IST1: variants seen among roughly 807,000 people sequenced by gnomAD.
The protein encoded by IST1 is IST1 factor associated with ESCRT-III.
In IST1, 23 loss-of-function variants were observed where a neutral mutation model predicts 37.0. The ratio of observed to expected loss-of-function variants is 0.62; its 90% CI spans 0.45 to 0.88. The LOEUF (loss-of-function observed/expected upper bound fraction) is 0.88. Among genes scored for constraint, IST1 ranks in the 40% least tolerant of loss-of-function variants. The pLI, the probability that IST1 is intolerant of heterozygous loss-of-function variation, is 0.00. For missense variants in IST1, 488 were observed against 445.4 expected (o/e 1.10, Z -0.86); for synonymous variants, 180 against 161.7 (o/e 1.11, Z -0.86).
rs1474363294 is a variant in IST1 at position 71,930,349 on chromosome 16, CAG to C, written c.*2538_*2539del. 1 of 602,986 alleles carries C rather than the reference CAG, an allele frequency of 1.7e-6. No homozygotes were observed. The highest frequency in any genetic ancestry group is 2.6e-6 in the Non-Finnish European group (1 of 386,500). The allele number at this position is 602,986 out of a possible 1,614,324, so 37.4% of individuals were successfully genotyped here. A position where few individuals can be genotyped will look rare whatever the true frequency, so the allele number is the denominator to read the frequency against. On this transcript the variant is annotated 3_prime_UTR_variant, in exon 10 of 10. Transcript: ENST00000378799. ...AAGAAGGAAAATACTTTTAAATGGA[CAG>C]AAGAGCAGGAATGACTCATTTTAAG...
intron 1 of IST1, among the ~76,000 whole-genome samples, chr16:71,908,290 T>C (rs2037272252): frequency 7.3e-6 from 1 of 137,888 alleles, no homozygotes; most frequent in Non-Finnish European, 1.5e-5. Flanking sequence ...CCCTTACTCG[T>C]TGTAGCTTTT....
chr16:71,914,633 G>A (rs2142564005), intron 1 of IST1, among the ~76,000 whole-genome samples: 1 of 152,140 alleles, frequency 6.6e-6, no homozygotes, highest in South Asian at 2.1e-4. Context: ...TTAAATGTAG[G>A]GTAAAGAAAG....
upstream of IST1, chr16:71,895,322 C>G: frequency 6.4e-6 from 1 of 157,138 alleles, no homozygotes; most frequent in African/African-American, 2.4e-5. Context: ...CGGCGTGGCG[C>G]TTCCCCCAAC....
chr16:71,894,666 C>A, upstream of IST1: 2 of 562,500 alleles, frequency 3.6e-6, no homozygotes, highest in Non-Finnish European at 6.3e-6. Context: ...GCTGAGACCA[C>A]AAGTGCTCAC....
rs6558 is a variant in IST1 at position 71,928,688 on chromosome 16, G to A, written c.*875G>A. ...CTGGAAAGCCTACAGGAAAAGAGGG[G>A]TACCTGTTTTCATTTGAAAACTTTG... On this transcript the variant is annotated 3_prime_UTR_variant, in exon 10 of 10. Coordinates refer to ENST00000378799, the MANE Select transcript of IST1 (RefSeq NM_001270975.2). 10 of 152,540 alleles carry A rather than the reference G, an allele frequency of 6.6e-5. No individual in the cohort carries two copies. The highest frequency in any genetic ancestry group is 1.3e-4 in the Admixed American group (2 of 15,282). The allele number at this position is 152,540 out of a possible 1,614,324, so 9.4% of individuals were successfully genotyped here.
rs2037861969 is a variant in IST1 at position 71,929,808 on chromosome 16, T to C, written c.*1995T>C. 2.8e-6 allele frequency: 3 copies of C among 1,064,882 alleles called. No homozygotes were observed. Among genetic ancestry groups the C allele is most frequent in the South Asian group, 3.5e-5 (2 of 57,470 alleles). The allele number at this position is 1,064,882 out of a possible 1,614,324, so 66.0% of individuals were successfully genotyped here. Reference sequence around the variant, plus strand: ...ATACTATTTCTTTAATAATTTGCAGTCAGGCATTGGAGTGTTTCCACTAAT... The same window carrying C: ...ATACTATTTCTTTAATAATTTGCAGCCAGGCATTGGAGTGTTTCCACTAAT... On this transcript the variant is annotated 3_prime_UTR_variant, in exon 10 of 10. Coordinates refer to ENST00000378799, the MANE Select transcript of IST1 (RefSeq NM_001270975.2).
At chr16:71,927,437 G>A (rs1408949050) in intron 9 of IST1, among the ~76,000 whole-genome samples, 177 bp from the exon 10 acceptor site, 1 of 150,506 alleles carries the variant, frequency 6.6e-6, no homozygotes, top group Non-Finnish European at 1.5e-5. Context: ...GCAGTGAGCT[G>A]AGATCACGCC....
At chr16:71,920,937 T>C (rs772454930) in intron 5 of IST1, 115 bp downstream of exon 5, 2 of 799,950 alleles carry the variant, frequency 2.5e-6, no homozygotes, top group African/African-American at 1.7e-5. Flanking sequence ...TCACCTTTCA[T>C]AGTGGGGTGA....
rs966267243 is a variant in IST1, at chr16:71,929,872, A to G, written c.*2059A>G. The G allele has an allele frequency of 1.1e-4, 110 of 983,190 alleles. No homozygotes were observed. The highest frequency in any genetic ancestry group is 3.0e-4 in the Admixed American group (10 of 33,882). 60.9% of individuals were successfully genotyped at this position (983,190 alleles called of 1,614,324 possible). On this transcript the variant is annotated 3_prime_UTR_variant, in exon 10 of 10. Transcript: ENST00000378799. ...CTATTTATAGGACAATGGCTATAGAATATTATGTAGTCTTATAAATTGGGT... is the reference window on the plus strand; with the variant it reads ...CTATTTATAGGACAATGGCTATAGAGTATTATGTAGTCTTATAAATTGGGT...
chr16:71,915,238 CTTCT>C (rs1327974912), intron 1 of IST1, among the ~76,000 whole-genome samples: 1 of 152,098 alleles, frequency 6.6e-6, no homozygotes, highest in East Asian at 1.9e-4. Context: ...AGCCCTTCTG[CTTCT>C]TTATCTTTTT....
intron 4 of IST1, among the ~76,000 whole-genome samples, chr16:71,919,258 G>A (rs967371873): frequency 1.3e-5 from 2 of 152,182 alleles, no homozygotes; most frequent in African/African-American, 4.8e-5. Context: ...CTTGGCCTCT[G>A]CACTAGAGGC....
intron 7 of IST1, 118 bp from the exon 8 acceptor site, chr16:71,923,170 T>C (rs546630854): frequency 3.8e-6 from 2 of 528,556 alleles, no homozygotes; most frequent in South Asian, 6.2e-5. Flanking sequence ...GGATCTTGAA[T>C]ATTTATATAT....
At chr16:71,911,012 G>A (rs769785930) in intron 1 of IST1, among the ~76,000 whole-genome samples, 10 of 152,060 alleles carry the variant, frequency 6.6e-5, no homozygotes, top group Admixed American at 1.3e-4. Flanking sequence ...GGCTGAGGTG[G>A]GTGGATCACT....
upstream of IST1, chr16:71,895,318 G>A (rs2036939324): frequency 4.5e-5 from 7 of 155,978 alleles, no homozygotes; most frequent in South Asian, 9.4e-4. Context: ...CAGTCGGCGT[G>A]GCGCTTCCCC....
intron 1 of IST1, among the ~76,000 whole-genome samples, chr16:71,915,039 T>G (rs1567468087): frequency 1.3e-5 from 2 of 152,196 alleles, no homozygotes; most frequent in African/African-American, 4.8e-5. Context: ...TTCACCCCTT[T>G]GTGTAACCCT....
intron 1 of IST1, among the ~76,000 whole-genome samples, chr16:71,910,579 C>G (rs2037330869): frequency 6.8e-6 from 1 of 148,104 alleles, no homozygotes; most frequent in Non-Finnish European, 1.5e-5. Context: ...GCACTCCAGC[C>G]TGGGTGACAG....
chr16:71,914,350 T>G lies in IST1; in HGVS notation c.-15-1276T>G, dbSNP rs1361364412. 3.3e-5 allele frequency among the ~76,000 whole-genome samples: 5 copies of G among 151,478 alleles called. No homozygotes were observed. The East Asian group carries it at 9.7e-4, about 29-fold the overall frequency. On this transcript the variant is annotated intron_variant, in intron 1 of 9. Coordinates refer to ENST00000378799, the MANE Select transcript of IST1 (RefSeq NM_001270975.2). ...ATTTTTTTTGTATTTTTAGTAGAGA[T>G]GGGGTTTCACCATGTTGGCCAGGAT...
chr16:71,925,045 C>A (rs1346895834), intron 9 of IST1, among the ~76,000 whole-genome samples: 1 of 143,846 alleles, frequency 7.0e-6, no homozygotes, highest in Non-Finnish European at 1.5e-5. Flanking sequence ...TGGAGTCTTG[C>A]TCTGTTGTCC....
intron 4 of IST1, 141 bp from the exon 5 acceptor site, chr16:71,920,594 GATTA>G (rs2142580483): frequency 1.6e-6 from 1 of 608,886 alleles, no homozygotes; most frequent in South Asian, 2.0e-5. Context: ...ACAAATAGTG[GATTA>G]ATGCATACCC....
Sources: allele counts gnomAD v4.1 joint callset (sites outside exome capture counted in the v4.1 genomes callset), GRCh38; gene constraint gnomAD v4.1.1; transcripts MANE v1.5; gene names NCBI Gene and HGNC (gene_info 2026-07-23, HGNC 2026-07-21).